RBFOX2: variants seen among roughly 807,000 people sequenced by gnomAD.
RBFOX2 encodes RNA binding protein fox-1 homolog 2.
RBFOX2 carries 10 observed loss-of-function variants against 49.1 expected under a neutral mutation model. The ratio of observed to expected loss-of-function variants is 0.20; its 90% CI spans 0.13 to 0.35. The LOEUF is 0.35. RBFOX2 is among the 10% of genes least tolerant of loss of function. RBFOX2 has a pLI of 1.00. For missense variants in RBFOX2, 323 were observed against 486.9 expected (o/e 0.66, Z 3.17); for synonymous variants, 183 against 187.4 (o/e 0.98, Z 0.19).
intron 1 of RBFOX2, among the ~76,000 whole-genome samples, chr22:36,027,323 T>C (rs1049618646): frequency 5.9e-5 from 9 of 152,112 alleles, no homozygotes; most frequent in East Asian, 3.8e-4. Flanking sequence ...CAACTGTTGG[T>C]AGGTGAGACT....
chr22:35,927,522 T>C (rs954960917), intron 1 of RBFOX2, among the ~76,000 whole-genome samples: 1 of 146,054 alleles, frequency 6.8e-6, no homozygotes, highest in African/African-American at 2.6e-5. Context: ...GAGAATTGCT[T>C]GAACCTGGGA....
At chr22:36,018,735 T>TCC (rs2059137014) in intron 1 of RBFOX2, among the ~76,000 whole-genome samples, 1 of 152,192 alleles carries the variant, frequency 6.6e-6, no homozygotes, top group African/African-American at 2.4e-5. Flanking sequence ...TGCCTCAGCC[T>TCC]CCCAAGTAGC....
At chr22:35,819,581 T>C (rs982016209) in intron 1 of RBFOX2, among the ~76,000 whole-genome samples, 1 of 152,234 alleles carries the variant, frequency 6.6e-6, no homozygotes, top group African/African-American at 2.4e-5. Context: ...CAAATACCTT[T>C]GCATGGAAGT....
chr22:35,858,778 A>G (rs2042800357), intron 1 of RBFOX2, among the ~76,000 whole-genome samples: 1 of 149,858 alleles, frequency 6.7e-6, no homozygotes, highest in African/African-American at 2.5e-5. Context: ...GTGAACCGAG[A>G]TCGTGCCACT....
chr22:36,013,626 AACACAC>A (rs547422068), intron 1 of RBFOX2, among the ~76,000 whole-genome samples: 6 of 146,074 alleles, frequency 4.1e-5, no homozygotes, highest in Middle Eastern at 3.2e-3. Flanking sequence ...GCATCACACA[AACACAC>A]ACACACACAC....
At chr22:35,807,084 G>C (rs752655132) in intron 2 of RBFOX2, among the ~76,000 whole-genome samples, 2 of 152,170 alleles carry the variant, frequency 1.3e-5, no homozygotes, top group Non-Finnish European at 2.9e-5. Context: ...GATTACAGGC[G>C]TGAGCCACCC....
chr22:36,028,687 G>C (rs2146649519), exon 1 of RBFOX2, among the ~76,000 whole-genome samples: 1 of 150,492 alleles, frequency 6.6e-6, no homozygotes, highest in South Asian at 2.1e-4. Context: ...ACTCGCTCGC[G>C]CCCCCGCACG....
chr22:35,944,583 G>C (rs1449968311), intron 1 of RBFOX2, among the ~76,000 whole-genome samples: 1 of 152,120 alleles, frequency 6.6e-6, no homozygotes, highest in East Asian at 1.9e-4. Context: ...AGTTATACTT[G>C]TGATATAATA....
chr22:35,945,349 G>T (rs1364221356), intron 1 of RBFOX2, among the ~76,000 whole-genome samples: 1 of 151,946 alleles, frequency 6.6e-6, no homozygotes, highest in Admixed American at 6.5e-5. Context: ...GGACATAAAA[G>T]GAATGCCACA....
At chr22:35,843,445 T>TTGATTGTTTCC (rs1004149630), upstream of RBFOX2, among the ~76,000 whole-genome samples, 6 of 22,404 alleles carry the variant, frequency 2.7e-4, no homozygotes, top group African/African-American at 1.9e-3. Flanking sequence ...TCTCAACTCT[T>TTGATTGTTTCC]TGAGTGTTTC....
intron 2 of RBFOX2, among the ~76,000 whole-genome samples, chr22:35,805,577 A>G (rs1482193344): frequency 6.6e-6 from 1 of 152,200 alleles, no homozygotes; most frequent in Non-Finnish European, 1.5e-5. Flanking sequence ...GGTTTCTTAT[A>G]AAATTAAACA....
chr22:35,764,659 C>G (rs1447443823), intron 6 of RBFOX2, among the ~76,000 whole-genome samples: 1 of 151,858 alleles, frequency 6.6e-6, no homozygotes, highest in Non-Finnish European at 1.5e-5. Context: ...TATGCAGAAC[C>G]CTAATTGCTC....
At chr22:35,925,045 A>G (rs1382157160) in intron 1 of RBFOX2, among the ~76,000 whole-genome samples, 2 of 151,926 alleles carry the variant, frequency 1.3e-5, no homozygotes, top group African/African-American at 4.8e-5. Flanking sequence ...TATAAAAGTT[A>G]GCCAGACGTG....
intron 9 of RBFOX2, among the ~76,000 whole-genome samples, chr22:35,751,277 CCTT>C (rs1464725023): frequency 2.6e-5 from 4 of 152,118 alleles, no homozygotes; most frequent in Non-Finnish European, 5.9e-5. Flanking sequence ...TGTCAAGACA[CCTT>C]CTTTCTACCC....
intron 1 of RBFOX2, among the ~76,000 whole-genome samples, chr22:35,884,996 C>T (rs542140815): frequency 2.6e-5 from 4 of 152,266 alleles, no homozygotes; most frequent in Non-Finnish European, 5.9e-5. Context: ...CTGCCTTTAA[C>T]AATCGAAAAT....
chr22:36,009,120 T>G (rs2058721570), intron 1 of RBFOX2, among the ~76,000 whole-genome samples: 1 of 152,222 alleles, frequency 6.6e-6, no homozygotes, highest in Non-Finnish European at 1.5e-5. Flanking sequence ...AGTCTTTCAG[T>G]GAACACAATA....
intron 10 of RBFOX2, 58 bp from the exon 13 acceptor site, chr22:35,746,053 A>G (rs973103785): frequency 5.5e-6 from 8 of 1,450,108 alleles, no homozygotes; most frequent in Non-Finnish European, 6.8e-6. Context: ...TAAAAAAATT[A>G]AAGGGATTAC....
chr22:35,873,549 CTCAA>C (rs1215915049), intron 1 of RBFOX2, among the ~76,000 whole-genome samples: 4 of 152,222 alleles, frequency 2.6e-5, no homozygotes, highest in South Asian at 2.1e-4. Context: ...GACAAACTTT[CTCAA>C]TCAGTCATGC....
exon 12 of RBFOX2, chr22:35,742,026 A>G (rs1930221448): frequency 6.6e-6 from 1 of 152,162 alleles, no homozygotes. Context: ...CAAAAGCAAA[A>G]GCAAAATCCT....
Sources: allele counts gnomAD v4.1 joint callset (sites outside exome capture counted in the v4.1 genomes callset), GRCh38; gene constraint gnomAD v4.1.1; transcripts MANE v1.5; gene names NCBI Gene and HGNC (gene_info 2026-07-23, HGNC 2026-07-21).